The following FTO variants were observed in gnomAD, a reference collection of about 807,000 sequenced individuals.
The protein encoded by FTO is alpha-ketoglutarate-dependent dioxygenase FTO.
In FTO, 47 loss-of-function variants were observed where a neutral mutation model predicts 63.9. The ratio of observed to expected loss-of-function variants is 0.74; its 90% CI spans 0.58 to 0.94. The LOEUF (loss-of-function observed/expected upper bound fraction) is 0.94. FTO is among the 40% of genes least tolerant of loss of function. The pLI is 0.00. For synonymous variants in FTO, 207 were observed against 224.4 expected (o/e 0.92, Z 0.69); for missense variants, 562 against 618.1 (o/e 0.91, Z 0.96).
intron 7 of FTO, among the ~76,000 whole-genome samples, chr16:53,930,318 G>T (rs147424447): frequency 0.021 from 3,075 of 144,668 alleles, 56 homozygotes; most frequent in Middle Eastern, 0.051. Flanking sequence ...CTGCCTCCCG[G>T]GTTCATGCCA....
chr16:54,027,771 A>G (rs1375982824), intron 8 of FTO, among the ~76,000 whole-genome samples: 21 of 152,122 alleles, frequency 1.4e-4, no homozygotes, highest in Admixed American at 1.2e-3. Context: ...TCGTGAGTTA[A>G]TGTCTCTTAC....
intron 1 of FTO, among the ~76,000 whole-genome samples, chr16:53,776,212 G>A (rs2077455528): frequency 6.6e-6 from 1 of 152,190 alleles, no homozygotes; most frequent in Non-Finnish European, 1.5e-5. Flanking sequence ...CAGGCTGGAT[G>A]AGCTCCATGT....
intron 8 of FTO, among the ~76,000 whole-genome samples, chr16:54,002,986 A>G (rs981619647): frequency 2.6e-5 from 4 of 152,178 alleles, no homozygotes; most frequent in Admixed American, 6.5e-5. Flanking sequence ...CAGCTTTCCT[A>G]CCATTCTGCA....
At chr16:53,833,670 G>A (rs998970614) in intron 3 of FTO, among the ~76,000 whole-genome samples, 16 of 151,450 alleles carry the variant, frequency 1.1e-4, no homozygotes, top group African/African-American at 3.7e-4. Flanking sequence ...TTTCTACAGC[G>A]ACTGAACTGT....
intron 1 of FTO, among the ~76,000 whole-genome samples, chr16:53,714,844 G>C (rs2075856291): frequency 6.6e-6 from 1 of 152,118 alleles, no homozygotes; most frequent in Non-Finnish European, 1.5e-5. Flanking sequence ...TGAGTAGCCA[G>C]TGTTCCCAGC....
At chr16:53,990,895 G>A (rs62035806) in intron 8 of FTO, 61,102 of 151,654 alleles carry the variant, frequency 0.4, 13,043 homozygotes, top group South Asian at 0.52. Flanking sequence ...CCCGAACTCC[G>A]GACCTCATGT....
chr16:53,946,334 G>T (rs1297711302), intron 8 of FTO, among the ~76,000 whole-genome samples: 1 of 152,176 alleles, frequency 6.6e-6, no homozygotes, highest in Non-Finnish European at 1.5e-5. Context: ...TAGGTTAGTG[G>T]TTCTTTCTGA....
chr16:54,083,894 C>G (rs983983014), intron 8 of FTO, among the ~76,000 whole-genome samples: 2 of 152,280 alleles, frequency 1.3e-5, no homozygotes, highest in South Asian at 2.1e-4. Context: ...GCTTTTGGAG[C>G]CTGGCAGGCC....
intron 8 of FTO, among the ~76,000 whole-genome samples, chr16:54,105,949 C>A (rs1296047375): frequency 6.6e-6 from 1 of 151,872 alleles, no homozygotes; most frequent in African/African-American, 2.4e-5. Flanking sequence ...GGAAGAAGAC[C>A]GTGTATGTTT....
At chr16:54,004,869 G>A (rs2084159395) in intron 8 of FTO, among the ~76,000 whole-genome samples, 1 of 152,016 alleles carries the variant, frequency 6.6e-6, no homozygotes, top group South Asian at 2.1e-4. Context: ...AGGAGATCAA[G>A]ACCATCCTGG....
chr16:53,708,259 G>A (rs557822012), intron 1 of FTO, among the ~76,000 whole-genome samples: 62 of 152,186 alleles, frequency 4.1e-4, no homozygotes, highest in African/African-American at 1.4e-3. Context: ...CTAGCTACTC[G>A]GGAGGCTGAG....
At chr16:53,782,669 G>C (rs1050213469) in intron 1 of FTO, among the ~76,000 whole-genome samples, 4 of 152,210 alleles carry the variant, frequency 2.6e-5, no homozygotes, top group African/African-American at 9.6e-5. Flanking sequence ...TAGTGGCAGA[G>C]CTCAGGCTGT....
intron 7 of FTO, among the ~76,000 whole-genome samples, chr16:53,902,103 C>T (rs1234613906): frequency 6.6e-6 from 1 of 152,182 alleles, no homozygotes; most frequent in African/African-American, 2.4e-5. Context: ...CATTATTGCT[C>T]ATAATGCCAG....
intron 8 of FTO, among the ~76,000 whole-genome samples, chr16:53,938,915 C>A (rs1312042079): frequency 6.6e-6 from 1 of 150,856 alleles, no homozygotes; most frequent in Non-Finnish European, 1.5e-5. Context: ...CGGTGAAACC[C>A]TGTCTCTACT....
intron 8 of FTO, among the ~76,000 whole-genome samples, chr16:54,073,166 A>C (rs180955723): frequency 6.6e-6 from 1 of 152,138 alleles, no homozygotes; most frequent in Admixed American, 6.5e-5. Flanking sequence ...TCCCTATTCA[A>C]GCATTCTCTG....
At chr16:54,067,219 C>T (rs1242206753) in intron 8 of FTO, among the ~76,000 whole-genome samples, 1 of 151,006 alleles carries the variant, frequency 6.6e-6, no homozygotes, top group South Asian at 2.1e-4. Context: ...TTATTTCAAA[C>T]CTTTTGCTTT....
intron 1 of FTO, among the ~76,000 whole-genome samples, chr16:53,712,718 A>G (rs1340305080): frequency 6.6e-6 from 1 of 152,210 alleles, no homozygotes; most frequent in Non-Finnish European, 1.5e-5. Flanking sequence ...TCATCTTTTC[A>G]TCTCTCCATT....
chr16:53,980,578 A>G (rs2083519941), intron 8 of FTO, among the ~76,000 whole-genome samples: 1 of 152,210 alleles, frequency 6.6e-6, no homozygotes, highest in Non-Finnish European at 1.5e-5. Context: ...CAACTGCCTG[A>G]ACAACTTACA....
At chr16:53,835,891 AT>A (rs201374598) in intron 3 of FTO, among the ~76,000 whole-genome samples, 8,049 of 133,972 alleles carry the variant, frequency 0.06, 553 homozygotes, top group East Asian at 0.32. Context: ...CTGTCTATTG[AT>A]TTTTTTTTTT....
Sources: gnomAD v4.1 joint callset for allele counts (sites outside exome capture counted in the v4.1 genomes callset) on GRCh38, gnomAD v4.1.1 for gene constraint, MANE v1.5 for transcripts, NCBI Gene and HGNC (gene_info 2026-07-23, HGNC 2026-07-21) for gene names.